RMDN2: variants seen among roughly 807,000 people sequenced by gnomAD.
RMDN2 encodes the protein regulator of microtubule dynamics protein 2.
A neutral mutation model predicts 52.8 loss-of-function variants in RMDN2; 61 were observed. The observed-to-expected ratio is 1.16, with a 90% CI of 0.94 to 1.43. The LOEUF (loss-of-function observed/expected upper bound fraction) is 1.43, where lower values mean the gene tolerates loss of function less well. RMDN2 is among the 40% of genes most tolerant of loss of function. RMDN2 has a pLI of 0.00. For synonymous variants in RMDN2, 180 were observed against 153.1 expected (o/e 1.18, Z -1.30); for missense variants, 592 against 475.3 (o/e 1.25, Z -2.28).
At chr2:38,046,720 C>T (rs1004269712) in intron 10 of RMDN2, among the ~76,000 whole-genome samples, 1 of 152,138 alleles carries the variant, frequency 6.6e-6, no homozygotes, top group African/African-American at 2.4e-5. Context: ...TGCGGTGGCT[C>T]ACGCCTATAA....
At chr2:38,015,984 T>C (rs1219791011) in intron 10 of RMDN2, among the ~76,000 whole-genome samples, 1 of 152,194 alleles carries the variant, frequency 6.6e-6, no homozygotes, top group Non-Finnish European at 1.5e-5. Context: ...TAACCTGAGT[T>C]CTTATAAGAG....
rs574879489 is a variant in RMDN2, at chr2:37,972,283, TAAG to T, written c.453-1752_453-1750del. ...TAAATAATCATAACATCTGCAATAA[TAAG>T]AAGATTACATTTGAACAAAGATATG... On this transcript the variant is annotated intron_variant, in intron 2 of 10. Coordinates refer to ENST00000354545, the MANE Select transcript of RMDN2 (RefSeq NM_001170791.3). Among the ~76,000 whole-genome samples the T allele has an allele frequency of 2.8e-4, 43 of 152,196 alleles. No individual in the cohort carries two copies. In the South Asian group the frequency reaches 3.5e-3, roughly 12 times the overall value.
chr2:37,939,308 C>T (rs2124922621), intron 2 of RMDN2, among the ~76,000 whole-genome samples: 1 of 152,132 alleles, frequency 6.6e-6, no homozygotes, highest in African/African-American at 2.4e-5. Flanking sequence ...CTTTTACTTC[C>T]AATTATGTGG....
intron 10 of RMDN2, among the ~76,000 whole-genome samples, chr2:38,046,078 T>C (rs899606998): frequency 4.6e-5 from 7 of 152,206 alleles, no homozygotes; most frequent in African/African-American, 1.7e-4. Flanking sequence ...TACCCAAGGC[T>C]ACGCATCCAC....
intron 2 of RMDN2, among the ~76,000 whole-genome samples, chr2:37,941,564 T>C (rs1667789527): frequency 6.6e-6 from 1 of 152,212 alleles, no homozygotes; most frequent in African/African-American, 2.4e-5. Context: ...AGACTGAGAC[T>C]ACCGCCTGTC....
chr2:37,965,356 G>A (rs1372115318), intron 2 of RMDN2, among the ~76,000 whole-genome samples: 3 of 125,380 alleles, frequency 2.4e-5, no homozygotes, highest in Non-Finnish European at 5.0e-5. Context: ...TTTTTTTTTA[G>A]TGATATGTTT....
intron 2 of RMDN2, among the ~76,000 whole-genome samples, chr2:37,958,407 A>G (rs1473197570): frequency 6.9e-6 from 1 of 144,292 alleles, no homozygotes; most frequent in Non-Finnish European, 1.5e-5. Context: ...ATTTGTAGCA[A>G]TTGTGAATGG....
At chr2:38,040,634 A>G (rs866830065) in intron 10 of RMDN2, among the ~76,000 whole-genome samples, 48 of 152,208 alleles carry the variant, frequency 3.2e-4, no homozygotes, top group African/African-American at 1.1e-3. Flanking sequence ...CAAACACACT[A>G]AGACAGTCCT....
At chr2:38,043,969 CA>C (rs1451173204) in intron 10 of RMDN2, among the ~76,000 whole-genome samples, 1 of 151,834 alleles carries the variant, frequency 6.6e-6, no homozygotes, top group Admixed American at 6.6e-5. Flanking sequence ...TTTCTTTATC[CA>C]AGTGTCTGAT....
chr2:37,947,989 A>G (rs1668364234), intron 2 of RMDN2, among the ~76,000 whole-genome samples: 1 of 152,138 alleles, frequency 6.6e-6, no homozygotes, highest in South Asian at 2.1e-4. Context: ...TGTCTTTTCT[A>G]GACTCCAGCT....
chr2:37,958,271 C>A, intron 2 of RMDN2, among the ~76,000 whole-genome samples: 1 of 152,122 alleles, frequency 6.6e-6, no homozygotes, highest in East Asian at 1.9e-4. Context: ...TTCTTTGTAT[C>A]CATGAGTGTG....
intron 10 of RMDN2, among the ~76,000 whole-genome samples, chr2:38,065,969 A>G (rs1682260783): frequency 6.6e-6 from 1 of 151,806 alleles, no homozygotes; most frequent in South Asian, 2.1e-4. Context: ...TGCTTGCGAA[A>G]CTCCCAGGAT....
At chr2:37,952,053 A>G (rs754448070) in intron 2 of RMDN2, 1 of 1,613,444 alleles carries the variant, frequency 6.2e-7, no homozygotes, top group Non-Finnish European at 8.5e-7. Context: ...ATTCCTCCAT[A>G]AAGCTGGATT....
chr2:37,951,874 G>A (rs1392668858), intron 2 of RMDN2: 2 of 1,613,508 alleles, frequency 1.2e-6, no homozygotes, highest in Non-Finnish European at 1.7e-6. Context: ...TCTCTTGCAA[G>A]TGATATTTCC....
intron 10 of RMDN2, among the ~76,000 whole-genome samples, chr2:38,044,079 G>T (rs1681123543): frequency 6.6e-6 from 1 of 151,902 alleles, no homozygotes; most frequent in East Asian, 1.9e-4. Context: ...TTACTGACCT[G>T]CCTTGCAAGA....
At chr2:38,038,274 G>A (rs1302526395) in intron 10 of RMDN2, among the ~76,000 whole-genome samples, 1 of 152,168 alleles carries the variant, frequency 6.6e-6, no homozygotes, top group Non-Finnish European at 1.5e-5. Flanking sequence ...CAAGGGGGAC[G>A]CGTTCAAGCG....
intron 2 of RMDN2, among the ~76,000 whole-genome samples, chr2:37,947,567 C>A (rs1356663744): frequency 6.6e-6 from 1 of 152,042 alleles, no homozygotes; most frequent in African/African-American, 2.4e-5. Context: ...AAAGGAAATA[C>A]AACAGTTATC....
intron 2 of RMDN2, among the ~76,000 whole-genome samples, chr2:37,959,228 T>C (rs1669873818): frequency 6.6e-6 from 1 of 151,066 alleles, no homozygotes; most frequent in Non-Finnish European, 1.5e-5. Flanking sequence ...GAAGGAATGG[T>C]ACCAGCTCCT....
intron 4 of RMDN2, among the ~76,000 whole-genome samples, chr2:37,978,920 A>T (rs1672940050): frequency 6.6e-6 from 1 of 152,226 alleles, no homozygotes; most frequent in Non-Finnish European, 1.5e-5. Context: ...AGTTTGCCAT[A>T]GGTAAAATCG....
Sources: gnomAD v4.1 joint callset for allele counts (sites outside exome capture counted in the v4.1 genomes callset) on GRCh38, gnomAD v4.1.1 for gene constraint, MANE v1.5 for transcripts, NCBI Gene and HGNC (gene_info 2026-07-23, HGNC 2026-07-21) for gene names.